The following WRAP53 variants were observed in gnomAD, a reference collection of about 807,000 sequenced individuals.
WRAP53 encodes telomerase Cajal body protein 1.
Under a neutral mutation model 56.6 loss-of-function variants are expected in WRAP53, and 28 were observed. That is an observed-to-expected ratio of 0.50 (90% CI 0.37 to 0.68). WRAP53 has a LOEUF of 0.68. Ranked by LOEUF, WRAP53 falls within the 30% of genes least tolerant of loss-of-function variation. The pLI is 0.00. For synonymous variants in WRAP53, 283 were observed against 283.4 expected, an observed-to-expected ratio of 1.00 and a Z score of 0.01; for missense variants, 671 against 715.5, an observed-to-expected ratio of 0.94 and a Z score of 0.71.
intron 4 of WRAP53, among the ~76,000 whole-genome samples, chr17:7,690,138 G>A (rs770702954): frequency 2.6e-5 from 4 of 152,176 alleles, no homozygotes; most frequent in East Asian, 1.9e-4. Flanking sequence ...TAGTAGAGAC[G>A]GGGTTTCGCC....
At chr17:7,700,892 G>A in intron 5 of WRAP53, 63 bp downstream of exon 5, 1 of 1,255,800 alleles carries the variant, frequency 8.0e-7, no homozygotes, top group Non-Finnish European at 1.2e-6. Flanking sequence ...GGCCTCTTGG[G>A]AGAGTCAAGG....
Position 7,702,785 on chromosome 17 carries a change from C to A in WRAP53, c.1207C>A (p.Pro403Thr). Residue 403 changes from proline (P) to threonine (T), a missense_variant, in exon 9 of 11, where the codon CCA becomes ACA. Around this residue, in one of 3 missense-constraint regions of WRAP53, gnomAD observed 158 missense variants for 215.7 expected, o/e 0.73. Coordinates refer to ENST00000396463, the MANE Select transcript of WRAP53 (RefSeq NM_001143992.2). This position sits in a 1 kb window ranked among gnomAD's most constrained non-coding sequence, Gnocchi z 5.0. The part of the protein sequence containing the change: ...LCWDLRQSGY[P>T]LWSLGREVTT... ...CTGGGATCTCCGGCAGTCTGGTTAC[C>A]CACTGTGGTCCCTGGGTCGAGAGGT... 1 of 1,613,980 alleles carries A rather than the reference C, an allele frequency of 6.2e-7. No individual in the cohort carries two copies. Among genetic ancestry groups the A allele is most frequent in the Non-Finnish European group, 8.5e-7 (1 of 1,180,002 alleles).
rs2074290908 is a variant in WRAP53, at chr17:7,702,645, G to GA, written c.1165-92dup. ...GTGTAGGGGAATGGGTGGGGATGGG[G>GA]AAAAAATCCCAAGCTGAAGGAGTGC... On this transcript the variant is annotated intron_variant, in intron 8 of 10. Coordinates refer to ENST00000396463, the MANE Select transcript of WRAP53 (RefSeq NM_001143992.2). The surrounding 1 kb of genome is among the most constrained non-coding windows in gnomAD (Gnocchi z 5.0). 2.1e-5 allele frequency: 33 copies of GA among 1,596,766 alleles called. No homozygotes were observed. In the South Asian group the frequency reaches 3.0e-4, roughly 14 times the overall value.
At chr17:7,694,681 G>C (rs922310633) in intron 4 of WRAP53, among the ~76,000 whole-genome samples, 24 of 152,028 alleles carry the variant, frequency 1.6e-4, no homozygotes, top group African/African-American at 5.6e-4. Context: ...GCCAGATCCT[G>C]TCTCTATCAA....
chr17:7,696,242 G>A (rs1398757518), intron 4 of WRAP53, among the ~76,000 whole-genome samples: 4 of 151,338 alleles, frequency 2.6e-5, no homozygotes, highest in African/African-American at 9.7e-5. Context: ...AAAGTGTGGC[G>A]AGTTGGCACT....
chr17:7,703,309 G>A lies in WRAP53; in HGVS notation c.1470G>A (p.Glu490=). The change falls in exon 11 of 11, where the codon GAG becomes GAA. Residue 490 remains glutamate, a synonymous_variant. Coordinates refer to ENST00000396463, the MANE Select transcript of WRAP53 (RefSeq NM_001143992.2). ...AGCGTGTGTTTCCTGAGCCCACAGA[G>A]AGTGGGGACGAAGGAGAGGAGCTGG... ...SGQRVFPEPT[E]SGDEGEELGL... is the part of the protein sequence containing the mutation. The A allele has an allele frequency of 6.2e-7, 1 of 1,613,966 alleles. No homozygotes were observed.
intron 3 of WRAP53, 117 bp from the exon 4 acceptor site, chr17:7,689,473 C>A: frequency 7.9e-7 from 1 of 1,266,546 alleles, no homozygotes; most frequent in Non-Finnish European, 1.1e-6. Context: ...CAGTTTGTGT[C>A]TTCTACTTCC....
chr17:7,698,775 G>A (rs1597416035), intron 4 of WRAP53, among the ~76,000 whole-genome samples: 1 of 152,220 alleles, frequency 6.6e-6, no homozygotes, highest in East Asian at 1.9e-4. Context: ...TACTCAGGAG[G>A]CTGAGGCAGA....
At chr17:7,688,351 C>T (rs896833793), upstream of WRAP53, 2 of 484,650 alleles carry the variant, frequency 4.1e-6, no homozygotes, top group South Asian at 4.4e-5. Flanking sequence ...CCTTTCACGT[C>T]CCGGCTCCGC....
At position 7,701,642 on chromosome 17, in the gene WRAP53, C is replaced by T. The variant is rs749575678; in HGVS notation, c.823-15C>T. The T allele has an allele frequency of 6.2e-7, 1 of 1,614,284 alleles. No individual in the cohort carries two copies. Among genetic ancestry groups the T allele is most frequent in the Non-Finnish European group, 8.5e-7 (1 of 1,180,050 alleles). On this transcript the variant is annotated splice_polypyrimidine_tract_variant and intron_variant, in intron 6 of 10. Transcript: ENST00000396463. The surrounding 1 kb of genome is among the most constrained non-coding windows in gnomAD (Gnocchi z 4.2). ...GGCTTTGCAAGACCTGTTTTCAGCC[C>T]TTTCCTTCCCCCAGGATGAGCTGAC...
chr17:7,688,697 G>C lies in WRAP53; in HGVS notation c.49G>C (p.Asp17His). 6.2e-7 allele frequency: 1 copy of C among 1,614,168 alleles called. No individual in the cohort carries two copies. Among genetic ancestry groups the C allele is most frequent in the Non-Finnish European group, 8.5e-7 (1 of 1,180,036 alleles). ...QPLAPDCCPS[D>H]QDPAPAHPSP... ...GTTAGCTCCGGACTGCTGTCCTTCA[G>C]ACCAGGACCCAGCTCCAGCCCATCC... The change falls in exon 2 of 11, where the codon GAC becomes CAC. Residue 17 changes from aspartate to histidine, a missense_variant. Transcript: ENST00000396463.
intron 3 of WRAP53, 103 bp downstream of exon 3, chr17:7,689,425 C>T: frequency 2.3e-6 from 3 of 1,324,890 alleles, no homozygotes; most frequent in Non-Finnish European, 3.2e-6. Context: ...GGAGAAGCGG[C>T]ACGTAGCCCT....
intron 4 of WRAP53, among the ~76,000 whole-genome samples, chr17:7,690,997 G>A (rs1163133879): frequency 6.6e-6 from 1 of 151,698 alleles, no homozygotes; most frequent in Non-Finnish European, 1.5e-5. Context: ...ATCACCTGAG[G>A]TCAAGAGTTT....
chr17:7,695,706 G>T (rs1764780997), intron 4 of WRAP53, among the ~76,000 whole-genome samples: 2 of 152,162 alleles, frequency 1.3e-5, no homozygotes, highest in South Asian at 2.1e-4. Context: ...GTGACCTCAG[G>T]TATCCAAGCC....
At chr17:7,700,683 C>T (rs909665404) in intron 4 of WRAP53, 58 bp from the exon 5 acceptor site, 26 of 1,210,806 alleles carry the variant, frequency 2.1e-5, no homozygotes, top group Middle Eastern at 1.9e-4. Flanking sequence ...GCTAGAGGCA[C>T]GCGCCTCAGA....
In WRAP53 at chr17:7,689,599, C is replaced by T. The variant is rs775784125; in HGVS notation, c.540C>T (p.Asp180=). ...NFLKGCKWAP[D]GSCILTNSAD... is the part of the protein sequence containing the mutation. ...TCTCCCCTGTTTCTAGGGCTCCTGA[C>T]GGTTCCTGCATCTTGACCAATAGTG... Residue 180 remains aspartate (D), a synonymous_variant, in exon 4 of 11, where the codon GAC becomes GAT. Coordinates refer to ENST00000396463, the MANE Select transcript of WRAP53 (RefSeq NM_001143992.2). The T allele has an allele frequency of 6.2e-7, 1 of 1,614,062 alleles. No homozygotes were observed. Among genetic ancestry groups the T allele is most frequent in the Non-Finnish European group, 8.5e-7 (1 of 1,179,950 alleles).
intron 4 of WRAP53, among the ~76,000 whole-genome samples, chr17:7,699,938 G>T (rs1262048020): frequency 6.6e-6 from 1 of 151,694 alleles, no homozygotes; most frequent in Non-Finnish European, 1.5e-5. Context: ...TCACCATATT[G>T]CCCAGGCTGG....
At position 7,689,230 on chromosome 17, in the gene WRAP53, G is replaced by A; in HGVS notation, c.438G>A (p.Trp146Ter). The change falls in exon 3 of 11, where the codon TGG (tryptophan) becomes TGA (stop). Residue 146 changes from tryptophan (W) to a stop codon, truncating the protein, a stop_gained. Coordinates refer to ENST00000396463, the MANE Select transcript of WRAP53 (RefSeq NM_001143992.2). LOFTEE classifies it high-confidence loss of function. ...TCCCCCATCTTCCTTTCAGCGCTTGGAACTACAGCTTCTCCCAGCTGCCTC... is the reference window on the plus strand; with the variant it reads ...TCCCCCATCTTCCTTTCAGCGCTTGAAACTACAGCTTCTCCCAGCTGCCTC... ...PAAEDEGDTA[W>*]NYSFSQLPRF... is the part of the protein sequence containing the mutation. 5 of 1,613,882 alleles carry A rather than the reference G, an allele frequency of 3.1e-6. No homozygotes were observed. The highest frequency in any genetic ancestry group is 4.2e-6 in the Non-Finnish European group (5 of 1,179,988).
intron 4 of WRAP53, among the ~76,000 whole-genome samples, chr17:7,699,496 A>ATATT (rs1555530492): frequency 8.2e-5 from 1 of 12,200 alleles, no homozygotes; most frequent in African/African-American, 4.2e-4. Flanking sequence ...ATATATATAT[A>ATATT]TATATTTATA....
Sources: gnomAD v4.1 joint callset for allele counts (sites outside exome capture counted in the v4.1 genomes callset) on GRCh38, gnomAD v4.1.1 for gene constraint, gnomAD v4.1.1 regional missense constraint, Gnocchi (gnomAD v3.1) non-coding constraint, MANE v1.5 for transcripts, NCBI Gene and HGNC (gene_info 2026-07-23, HGNC 2026-07-21) for gene names.